The following INPP4B variants were observed in gnomAD, a reference collection of about 807,000 sequenced individuals.
INPP4B encodes the protein inositol polyphosphate 4-phosphatase type II.
Under a neutral mutation model 122.5 loss-of-function variants are expected in INPP4B, and 55 were observed. The ratio of observed to expected loss-of-function variants is 0.45; its 90% CI spans 0.36 to 0.56. The LOEUF is 0.56. INPP4B is among the 20% of genes least tolerant of loss of function. INPP4B has a pLI of 0.00. For synonymous variants in INPP4B, 403 were observed against 388.7 expected (o/e 1.04, Z -0.43); for missense variants, 1,000 against 1,097.7 (o/e 0.91, Z 1.26).
chr4:142,640,851 G>A (rs533290995), intron 2 of INPP4B, among the ~76,000 whole-genome samples: 6 of 151,924 alleles, frequency 3.9e-5, no homozygotes, highest in African/African-American at 1.2e-4. Flanking sequence ...TCATGGAAAT[G>A]CTAATTAAAA....
intron 2 of INPP4B, among the ~76,000 whole-genome samples, chr4:142,659,630 T>C (rs943107241): frequency 1.3e-5 from 2 of 152,094 alleles, no homozygotes; most frequent in East Asian, 1.9e-4. Flanking sequence ...TCTGAGTAAT[T>C]ATCCTTCAAA....
At position 142,305,894 on chromosome 4, in the gene INPP4B, T is replaced by A. The variant is rs1763171414; in HGVS notation, c.424-357A>T. On this transcript the variant is annotated intron_variant, in intron 8 of 25. Coordinates refer to ENST00000262992, the MANE Select transcript of INPP4B (RefSeq NM_001101669.3). ...ATATTTACCAATGCTGTTGTTCCTC[T>A]TATTAGAATTCCTCAAATCACTGGC... 2.9e-6 allele frequency: 3 copies of A among 1,046,636 alleles called. No individual in the cohort carries two copies. The South Asian group carries it at 9.2e-5, about 32-fold the overall frequency. The allele number at this position is 1,046,636 out of a possible 1,614,324, so 64.8% of individuals were successfully genotyped here.
At chr4:142,429,520 T>C (rs1808833226) in intron 4 of INPP4B, among the ~76,000 whole-genome samples, 1 of 152,100 alleles carries the variant, frequency 6.6e-6, no homozygotes, top group Admixed American at 6.6e-5. Context: ...TGTTTATCTC[T>C]TTTGGATGCA....
At chr4:142,377,454 G>C (rs1792354022) in intron 7 of INPP4B, among the ~76,000 whole-genome samples, 1 of 152,042 alleles carries the variant, frequency 6.6e-6, no homozygotes, top group Admixed American at 6.6e-5. Flanking sequence ...TGACGACTCA[G>C]AGTCAGAAGA....
chr4:142,770,382 A>T (rs752852115), intron 1 of INPP4B, among the ~76,000 whole-genome samples: 5 of 152,170 alleles, frequency 3.3e-5, no homozygotes, highest in African/African-American at 4.8e-5. Flanking sequence ...ATTTGTGAGA[A>T]GACCTAAGCC....
Position 142,069,140 on chromosome 4 carries a change from C to T in INPP4B, c.2642+12891G>A, listed in dbSNP as rs572829901. Among the ~76,000 whole-genome samples, 51 of 152,292 alleles carry T rather than the reference C, an allele frequency of 3.3e-4. 1 individual carries two copies. The highest frequency in any genetic ancestry group is 1.0e-3 in the African/African-American group (43 of 41,546). ...AAATTATAACAAACTGTCTCTCAGA[C>T]CACAGTGCAATCAAACTAGAACTCA... On this transcript the variant is annotated intron_variant, in intron 25 of 25. Coordinates refer to ENST00000262992, the MANE Select transcript of INPP4B (RefSeq NM_001101669.3).
chr4:142,429,108 T>C (rs1808737221), intron 5 of INPP4B, 65 bp downstream of exon 5: 1 of 848,890 alleles, frequency 1.2e-6, no homozygotes, highest in Non-Finnish European at 1.9e-6. Flanking sequence ...GCAATCTACC[T>C]ATACTTTGCA....
chr4:142,074,750 A>G (rs114486382), intron 25 of INPP4B, among the ~76,000 whole-genome samples: 1,601 of 152,236 alleles, frequency 0.011, 29 homozygotes, highest in African/African-American at 0.037. Flanking sequence ...CAAAAACTTG[A>G]TATCAGCTGA....
At chr4:142,611,140 T>C (rs1043571933) in intron 2 of INPP4B, among the ~76,000 whole-genome samples, 1 of 152,122 alleles carries the variant, frequency 6.6e-6, no homozygotes, top group African/African-American at 2.4e-5. Flanking sequence ...ATGGCACGTC[T>C]TACATGGCAG....
intron 2 of INPP4B, among the ~76,000 whole-genome samples, chr4:142,565,715 C>T (rs890808579): frequency 6.6e-6 from 1 of 152,076 alleles, no homozygotes; most frequent in Non-Finnish European, 1.5e-5. Flanking sequence ...TTATAGAGTA[C>T]AAAGAAATAT....
intron 17 of INPP4B, among the ~76,000 whole-genome samples, chr4:142,154,182 A>G (rs1308513078): frequency 6.6e-6 from 1 of 152,064 alleles, no homozygotes; most frequent in Non-Finnish European, 1.5e-5. Flanking sequence ...ACAGAACCAT[A>G]CAACCCTATT....
chr4:142,609,406 G>A (rs1433456355), intron 2 of INPP4B, among the ~76,000 whole-genome samples: 2 of 151,802 alleles, frequency 1.3e-5, no homozygotes, highest in African/African-American at 4.8e-5. Context: ...GTGCACATAA[G>A]TAAATGTGAG....
At chr4:142,482,890 C>A (rs1193997902) in intron 2 of INPP4B, among the ~76,000 whole-genome samples, 1 of 152,022 alleles carries the variant, frequency 6.6e-6, no homozygotes, top group African/African-American at 2.4e-5. Context: ...GAGAAGAGAT[C>A]ATGTGCATTT....
At chr4:142,444,282 AT>A (rs1812437202) in intron 3 of INPP4B, among the ~76,000 whole-genome samples, 1 of 152,110 alleles carries the variant, frequency 6.6e-6, no homozygotes, top group Non-Finnish European at 1.5e-5. Context: ...AAATGGATAG[AT>A]TGCAAAAATT....
chr4:142,464,854 T>C (rs530397197), intron 2 of INPP4B, among the ~76,000 whole-genome samples: 19 of 152,324 alleles, frequency 1.2e-4, no homozygotes, highest in African/African-American at 4.3e-4. Flanking sequence ...ATAATTTATC[T>C]TTCATCTTAT....
At chr4:142,641,376 C>T (rs950769475) in intron 2 of INPP4B, among the ~76,000 whole-genome samples, 1 of 151,762 alleles carries the variant, frequency 6.6e-6, no homozygotes, top group African/African-American at 2.4e-5. Flanking sequence ...CCCATTAACT[C>T]GTCATTTACA....
chr4:142,286,736 T>C (rs527576687), intron 9 of INPP4B, among the ~76,000 whole-genome samples: 1 of 152,180 alleles, frequency 6.6e-6, no homozygotes, highest in Non-Finnish European at 1.5e-5. Context: ...AGTGCTAGGA[T>C]TTATCCAAGA....
At chr4:142,268,650 C>T (rs1250135420) in intron 10 of INPP4B, among the ~76,000 whole-genome samples, 1 of 151,880 alleles carries the variant, frequency 6.6e-6, no homozygotes, top group Non-Finnish European at 1.5e-5. Context: ...TGGTATATAC[C>T]ACAATAAAAA....
intron 2 of INPP4B, among the ~76,000 whole-genome samples, chr4:142,544,451 G>A (rs532817567): frequency 6.6e-6 from 1 of 152,180 alleles, no homozygotes; most frequent in Non-Finnish European, 1.5e-5. Flanking sequence ...GCAGCTGGAG[G>A]ATGCAGTGCA....
Sources: allele counts gnomAD v4.1 joint callset (sites outside exome capture counted in the v4.1 genomes callset), GRCh38; gene constraint gnomAD v4.1.1; transcripts MANE v1.5; gene names NCBI Gene and HGNC (gene_info 2026-07-23, HGNC 2026-07-21).